SLC41A2: variants seen among roughly 807,000 people sequenced by gnomAD.
SLC41A2 encodes SLC41A1-like 1.
SLC41A2 carries 32 observed loss-of-function variants against 58.3 expected under a neutral mutation model. The ratio of observed to expected loss-of-function variants is 0.55; its 90% confidence interval spans 0.41 to 0.74. The LOEUF (loss-of-function observed/expected upper bound fraction) is 0.74. Ranked by LOEUF, SLC41A2 falls within the 30% of genes least tolerant of loss-of-function variation. The probability of loss-of-function intolerance (pLI) is 0.00; values close to 1 mark genes in which losing one functional copy is unlikely to be tolerated. For missense variants in SLC41A2, 514 were observed against 680.6 expected, an observed-to-expected ratio of 0.76 and a Z score of 2.72; for synonymous variants, 190 against 235.0, an observed-to-expected ratio of 0.81 and a Z score of 1.75.
intron 2 of SLC41A2, among the ~76,000 whole-genome samples, chr12:104,927,029 A>C (rs1281823135): frequency 6.6e-6 from 1 of 152,130 alleles, no homozygotes; most frequent in African/African-American, 2.4e-5. Flanking sequence ...GGGTGTAGTG[A>C]CCTAGGCCAC....
chr12:104,906,718 A>T (rs1023073662), intron 3 of SLC41A2, among the ~76,000 whole-genome samples: 1 of 152,204 alleles, frequency 6.6e-6, no homozygotes, highest in African/African-American at 2.4e-5. Flanking sequence ...TAAATGCTTA[A>T]AAAGCATTTA....
chr12:104,809,231 G>C (rs1324653469), intron 10 of SLC41A2, among the ~76,000 whole-genome samples: 1 of 152,166 alleles, frequency 6.6e-6, no homozygotes, highest in Non-Finnish European at 1.5e-5. Context: ...ATTACTATTT[G>C]TGGCCCCTGG....
intron 2 of SLC41A2, among the ~76,000 whole-genome samples, chr12:104,916,530 A>G (rs971638394): frequency 1.3e-5 from 2 of 152,194 alleles, no homozygotes; most frequent in Admixed American, 6.5e-5. Flanking sequence ...ATCCTAAGCC[A>G]AAAGAACAAA....
Position 104,880,622 on chromosome 12 carries a change from T to C in SLC41A2, c.1027+5671A>G, listed in dbSNP as rs147186368. On this transcript the variant is annotated intron_variant, in intron 6 of 10. Transcript: ENST00000258538. ...TGTTAATATGATGGATTAAGTTTAT[T>C]GATTTGCATATGTTGAACCAGCCTT... is the stretch of plus-strand genomic sequence containing the variant. Among the ~76,000 whole-genome samples the C allele has an allele frequency of 8.5e-3, 1,302 of 152,350 alleles. 17 individuals carry two copies. Among genetic ancestry groups the C allele is most frequent in the African/African-American group, 0.029 (1,199 of 41,576 alleles).
chr12:104,871,260 C>T (rs892603338), intron 6 of SLC41A2, among the ~76,000 whole-genome samples: 11 of 152,054 alleles, frequency 7.2e-5, no homozygotes, highest in African/African-American at 2.4e-4. Context: ...AATTAGATAG[C>T]CATGCAGTTA....
intron 5 of SLC41A2, among the ~76,000 whole-genome samples, chr12:104,887,325 C>T (rs1593074824): frequency 6.6e-6 from 1 of 151,864 alleles, no homozygotes; most frequent in Non-Finnish European, 1.5e-5. Context: ...AGCATACTCA[C>T]TTTATAGATA....
intron 6 of SLC41A2, among the ~76,000 whole-genome samples, chr12:104,882,678 T>G (rs1378062762): frequency 6.6e-6 from 1 of 152,186 alleles, no homozygotes; most frequent in Non-Finnish European, 1.5e-5. Context: ...GAGTTTCTGC[T>G]GAGAGATCCA....
chr12:104,861,410 G>A, intron 7 of SLC41A2, 40 bp from the exon 8 acceptor site: 2 of 1,410,030 alleles, frequency 1.4e-6, no homozygotes, highest in Non-Finnish European at 2.0e-6. Flanking sequence ...GAAGAGGGAA[G>A]AGAACATACT....
At chr12:104,949,751 T>C (rs563695211) in intron 1 of SLC41A2, among the ~76,000 whole-genome samples, 1 of 152,224 alleles carries the variant, frequency 6.6e-6, no homozygotes, top group African/African-American at 2.4e-5. Context: ...GCCCGGCTAA[T>C]ATTGTATTTT....
intron 8 of SLC41A2, among the ~76,000 whole-genome samples, chr12:104,857,118 G>C (rs1330827673): frequency 6.6e-6 from 1 of 152,146 alleles, no homozygotes; most frequent in Admixed American, 6.6e-5. Flanking sequence ...GAGTACATAA[G>C]AAAGAGGAGT....
At chr12:104,834,681 T>A (rs576628561) in intron 10 of SLC41A2, among the ~76,000 whole-genome samples, 55 of 143,818 alleles carry the variant, frequency 3.8e-4, no homozygotes, top group Middle Eastern at 3.6e-3. Flanking sequence ...CATCATGATT[T>A]AAAAAAAAAA....
At chr12:104,950,113 AG>A (rs777302398) in intron 1 of SLC41A2, among the ~76,000 whole-genome samples, 10 of 152,200 alleles carry the variant, frequency 6.6e-5, no homozygotes, top group Admixed American at 2.0e-4. Context: ...TTTCTAAATG[AG>A]GACAGTTCTA....
intron 7 of SLC41A2, among the ~76,000 whole-genome samples, chr12:104,864,016 G>A (rs181427128): frequency 6.6e-6 from 1 of 150,910 alleles, no homozygotes; most frequent in East Asian, 1.9e-4. Flanking sequence ...TGCCAATCTG[G>A]ATGGTTGCCT....
At chr12:104,805,997 G>A (rs953340356) in intron 10 of SLC41A2, among the ~76,000 whole-genome samples, 1 of 152,036 alleles carries the variant, frequency 6.6e-6, no homozygotes, top group African/African-American at 2.4e-5. Context: ...TTGAATTTTG[G>A]GACCAGATAA....
Position 104,904,050 on chromosome 12 carries a change from T to C in SLC41A2, c.663+5605A>G, listed in dbSNP as rs929193303. ...TTCATTCAGGTTTAACGGTAGTATGTGATCAAATTAAACAGCAAATATCAT... is the reference window on the plus strand; with the variant it reads ...TTCATTCAGGTTTAACGGTAGTATGCGATCAAATTAAACAGCAAATATCAT... On this transcript the variant is annotated intron_variant, in intron 3 of 10. Coordinates refer to ENST00000258538, the MANE Select transcript of SLC41A2 (RefSeq NM_001352171.3). Among the ~76,000 whole-genome samples, 3 of 152,236 alleles carry C rather than the reference T, an allele frequency of 2.0e-5. No homozygotes were observed. In the East Asian group the frequency reaches 5.8e-4, roughly 29 times the overall value.
At chr12:104,873,146 C>T (rs2043867937) in intron 6 of SLC41A2, among the ~76,000 whole-genome samples, 1 of 152,110 alleles carries the variant, frequency 6.6e-6, no homozygotes, top group Non-Finnish European at 1.5e-5. Context: ...ACTTTGTAGT[C>T]TTTGATCTAC....
rs964308830 is a variant in SLC41A2 at position 104,864,579 on chromosome 12, T to A, written c.1175+1853A>T. 5.9e-5 allele frequency among the ~76,000 whole-genome samples: 9 copies of A among 152,158 alleles called. No individual in the cohort carries two copies. The East Asian group carries it at 1.7e-3, about 29-fold the overall frequency. ...CAGGCGCTTTCCATCAGGTAGCTCA[T>A]GTTTTTCAGTTCTGGGAATTTTCTT... On this transcript the variant is annotated intron_variant, in intron 7 of 10. Transcript: ENST00000258538.
At chr12:104,916,494 A>G (rs1385219095) in intron 2 of SLC41A2, among the ~76,000 whole-genome samples, 4 of 152,138 alleles carry the variant, frequency 2.6e-5, no homozygotes, top group Non-Finnish European at 5.9e-5. Flanking sequence ...ATATGGAACC[A>G]AAAAAGAGCC....
At chr12:104,950,315 A>G (rs1343235375) in intron 1 of SLC41A2, among the ~76,000 whole-genome samples, 1 of 152,098 alleles carries the variant, frequency 6.6e-6, no homozygotes, top group Non-Finnish European at 1.5e-5. Context: ...CGCTGTTCTC[A>G]TGATTTTGAG....
Sources: gnomAD v4.1 joint callset for allele counts (sites outside exome capture counted in the v4.1 genomes callset) on GRCh38, gnomAD v4.1.1 for gene constraint, MANE v1.5 for transcripts, NCBI Gene and HGNC (gene_info 2026-07-23, HGNC 2026-07-21) for gene names.